LRP1B: variants seen among roughly 807,000 people sequenced by gnomAD.
The protein encoded by LRP1B is low-density lipoprotein receptor-related protein 1B.
Under a neutral mutation model 556.6 loss-of-function variants are expected in LRP1B, and 217 were observed. The observed-to-expected ratio is 0.39, with a 90% CI of 0.35 to 0.44. The LOEUF is 0.44. Ranked by LOEUF, LRP1B falls within the 20% of genes least tolerant of loss-of-function variation. The pLI, the probability that LRP1B is intolerant of heterozygous loss-of-function variation, is 1.00. For synonymous variants in LRP1B, 2,047 were observed against 1,865.8 expected (o/e 1.10, Z -2.50); for missense variants, 5,053 against 5,620.8 (o/e 0.90, Z 3.23).
Position 140,702,261 on chromosome 2 carries a change from G to A in LRP1B, c.6182C>T (p.Thr2061Ile), listed in dbSNP as rs768395268. 8.7e-6 allele frequency: 14 copies of A among 1,613,556 alleles called. No individual in the cohort carries two copies. The East Asian group carries it at 1.3e-4, about 15-fold the overall frequency. The change falls in exon 39 of 91, where the codon ACA becomes ATA. Residue 2061 changes from threonine (T) to isoleucine (I), a missense_variant. Physicochemically the swap from Thr to Ile is moderately conservative, Grantham distance 89 (BLOSUM62 -1). Coordinates refer to ENST00000389484, the MANE Select transcript of LRP1B (RefSeq NM_018557.3). The stretch of plus-strand genomic sequence containing the variant: ...AAGGTCGATTCTCTCTATCTTGTCT[G>A]TGCGAGCATCACACCAGTACAATTT... Reference protein sequence around the residue: ...ENKLYWCDARTDKIERIDLET... With the variant: ...ENKLYWCDARIDKIERIDLET...
intron 3 of LRP1B, among the ~76,000 whole-genome samples, chr2:141,360,338 C>T (rs1472589797): frequency 6.6e-6 from 1 of 152,104 alleles, no homozygotes; most frequent in South Asian, 2.1e-4. Flanking sequence ...TAAGTAAGAC[C>T]TTCGTTTATT....
chr2:140,456,364 A>G (rs1687106707), intron 62 of LRP1B, 91 bp downstream of exon 62: 2 of 1,251,164 alleles, frequency 1.6e-6, no homozygotes, highest in Admixed American at 2.4e-5. Context: ...CATCTCTACA[A>G]TGTATGGAAT....
At chr2:141,785,432 G>T (rs758332586) in intron 2 of LRP1B, among the ~76,000 whole-genome samples, 1 of 151,834 alleles carries the variant, frequency 6.6e-6, no homozygotes, top group African/African-American at 2.4e-5. Flanking sequence ...ACATACAGTT[G>T]TATGATCACT....
chr2:141,341,344 C>G (rs149679699), intron 3 of LRP1B, among the ~76,000 whole-genome samples: 1,785 of 152,192 alleles, frequency 0.012, 23 homozygotes, highest in Middle Eastern at 0.02. Flanking sequence ...TTATCTTGAA[C>G]TGTTTAAAAA....
chr2:141,034,278 T>C (rs1698463949), intron 11 of LRP1B, among the ~76,000 whole-genome samples: 1 of 152,202 alleles, frequency 6.6e-6, no homozygotes. Context: ...TTCCCAGGAC[T>C]GTTATCAATT....
chr2:140,841,319 T>C (rs77004474), intron 29 of LRP1B, among the ~76,000 whole-genome samples: 3,878 of 152,308 alleles, frequency 0.025, 67 homozygotes, highest in South Asian at 0.056. Context: ...ACAATTAGCA[T>C]TGAAATTACA....
intron 3 of LRP1B, among the ~76,000 whole-genome samples, chr2:141,402,975 TGGAGA>T (rs1167609871): frequency 6.6e-6 from 1 of 152,026 alleles, no homozygotes; most frequent in Non-Finnish European, 1.5e-5. Flanking sequence ...GAGTATGAGA[TGGAGA>T]GGAAAGGGGC....
At chr2:141,281,834 C>T (rs867029592) in intron 3 of LRP1B, among the ~76,000 whole-genome samples, 1 of 152,034 alleles carries the variant, frequency 6.6e-6, no homozygotes, top group Admixed American at 6.5e-5. Context: ...CAGTCTTCTA[C>T]TTACTAGCTA....
chr2:141,465,543 CTTT>C (rs71391652), intron 3 of LRP1B, among the ~76,000 whole-genome samples: 1 of 117,312 alleles, frequency 8.5e-6, no homozygotes, highest in Non-Finnish European at 1.9e-5. Flanking sequence ...CACAGCATGA[CTTT>C]TTTTTTTTTT....
chr2:141,639,422 A>ATT lies in LRP1B; in HGVS notation c.206-158891_206-158890dup, dbSNP rs1422219990. On this transcript the variant is annotated intron_variant, in intron 2 of 90. Transcript: ENST00000389484. ...TATATATATGTGTATATATATATAT[A>ATT]TTTTTTTTTGAGACAGAGTCTCACT... Among the ~76,000 whole-genome samples the ATT allele has an allele frequency of 5.4e-4, 69 of 128,968 alleles. 1 individual carries two copies. Among genetic ancestry groups the ATT allele is most frequent in the African/African-American group, 1.6e-3 (57 of 34,970 alleles). 84.6% of individuals were successfully genotyped at this position (128,968 alleles called of 152,430 possible).
At chr2:140,535,900 G>A (rs1574053008) in intron 46 of LRP1B, among the ~76,000 whole-genome samples, 1 of 151,996 alleles carries the variant, frequency 6.6e-6, no homozygotes, top group African/African-American at 2.4e-5. Context: ...CATGCCTAAG[G>A]CAATGAGCCT....
intron 2 of LRP1B, among the ~76,000 whole-genome samples, chr2:141,806,681 G>C (rs1696177885): frequency 6.6e-6 from 1 of 151,896 alleles, no homozygotes; most frequent in Non-Finnish European, 1.5e-5. Context: ...AGAAGAGAAG[G>C]AAAATATGGA....
At chr2:140,415,540 AT>A (rs1685156134) in intron 66 of LRP1B, among the ~76,000 whole-genome samples, 1 of 151,972 alleles carries the variant, frequency 6.6e-6, no homozygotes, top group Non-Finnish European at 1.5e-5. Flanking sequence ...GTCTCTCTTT[AT>A]TTCTCAGCCA....
intron 1 of LRP1B, among the ~76,000 whole-genome samples, chr2:142,020,284 T>C (rs1220819441): frequency 2.0e-5 from 3 of 152,240 alleles, no homozygotes; most frequent in South Asian, 2.1e-4. Flanking sequence ...GGTCCAGATG[T>C]TGGGGAGGCC....
intron 7 of LRP1B, among the ~76,000 whole-genome samples, chr2:141,145,904 T>A (rs1701770892): frequency 6.8e-6 from 1 of 146,306 alleles, no homozygotes; most frequent in Non-Finnish European, 1.5e-5. Context: ...TTCACGTTTT[T>A]CTTTTCTTTC....
intron 41 of LRP1B, among the ~76,000 whole-genome samples, chr2:140,690,010 T>C (rs919720770): frequency 1.3e-5 from 2 of 152,100 alleles, no homozygotes; most frequent in South Asian, 2.1e-4. Flanking sequence ...ATATACATCA[T>C]TGACATAGGA....
chr2:140,326,095 A>G (rs1049754660), intron 79 of LRP1B, among the ~76,000 whole-genome samples: 1 of 152,230 alleles, frequency 6.6e-6, no homozygotes, highest in Admixed American at 6.5e-5. Context: ...TACTTAACAA[A>G]TTCTAGCAAA....
intron 35 of LRP1B, among the ~76,000 whole-genome samples, chr2:140,746,364 A>C (rs1261177904): frequency 6.6e-6 from 1 of 152,212 alleles, no homozygotes; most frequent in East Asian, 1.9e-4. Context: ...ATCTAAGTTA[A>C]AAATTTAGCA....
chr2:141,968,025 C>T (rs1457755850), intron 1 of LRP1B, among the ~76,000 whole-genome samples: 1 of 151,494 alleles, frequency 6.6e-6, no homozygotes, highest in Non-Finnish European at 1.5e-5. Flanking sequence ...AGTTAATTAC[C>T]CTGTCAGTCA....
Sources: gnomAD v4.1 joint callset for allele counts (sites outside exome capture counted in the v4.1 genomes callset) on GRCh38, gnomAD v4.1.1 for gene constraint, MANE v1.5 for transcripts, NCBI Gene and HGNC (gene_info 2026-07-23, HGNC 2026-07-21) for gene names.